The following GCNT4 variants were observed in gnomAD, a reference collection of about 807,000 sequenced individuals.
The protein encoded by GCNT4 is beta-1,3-galactosyl-O-glycosyl-glycoprotein beta-1,6-N-acetylglucosaminyltransferase 4.
In GCNT4, 17 loss-of-function variants were observed where a neutral mutation model predicts 31.3. The ratio of observed to expected loss-of-function variants is 0.54; its 90% CI spans 0.37 to 0.81. The LOEUF is 0.81. Ranked by LOEUF, GCNT4 falls within the 40% of genes least tolerant of loss-of-function variation. The probability of loss-of-function intolerance (pLI) is 0.00; values close to 1 mark genes in which losing one functional copy is unlikely to be tolerated. For synonymous variants in GCNT4, 158 were observed against 190.6 expected, an observed-to-expected ratio of 0.83 and a Z score of 1.41; for missense variants, 503 against 525.5, an observed-to-expected ratio of 0.96 and a Z score of 0.42.
intron 3 of GCNT4, among the ~76,000 whole-genome samples, chr5:75,042,582 G>C (rs1743345752): frequency 6.6e-6 from 1 of 152,148 alleles, no homozygotes; most frequent in African/African-American, 2.4e-5. Flanking sequence ...ATGAATCAAG[G>C]GTATTGATGT....
At chr5:75,052,080 G>C (rs545282205) in intron 2 of GCNT4, 89 bp downstream of exon 2, 8 of 152,006 alleles carry the variant, frequency 5.3e-5, no homozygotes, top group African/African-American at 1.9e-4. Flanking sequence ...TGAACTGTTA[G>C]TTTCTAGAAT....
upstream of GCNT4, among the ~76,000 whole-genome samples, chr5:75,053,390 G>C (rs1156557834): frequency 6.6e-6 from 1 of 152,104 alleles, no homozygotes; most frequent in Non-Finnish European, 1.5e-5. Flanking sequence ...AGTTTTCCCC[G>C]GCGGGAAAAC....
Position 75,028,592 on chromosome 5 carries a change from A to C in GCNT4, c.*84T>G. On this transcript the variant is annotated 3_prime_UTR_variant, in exon 4 of 4. Coordinates refer to ENST00000652361, the MANE Select transcript of GCNT4 (RefSeq NM_001366737.1). ...TTAAAATATGGGAGGACTGAGTTTA[A>C]ACAGTATTGGGCATAGTATGGTATT... 7.8e-7 allele frequency: 1 copy of C among 1,285,558 alleles called. No homozygotes were observed. The highest frequency in any genetic ancestry group is 1.1e-6 in the Non-Finnish European group (1 of 929,534). The allele number at this position is 1,285,558 out of a possible 1,614,324, so 79.6% of individuals were successfully genotyped here.
In GCNT4 at chr5:75,026,189, CAATA is replaced by C. The variant is rs1411578345; in HGVS notation, c.*2483_*2486del. 7 of 152,212 alleles carry C rather than the reference CAATA, an allele frequency of 4.6e-5. No homozygotes were observed. The highest frequency in any genetic ancestry group is 1.4e-4 in the African/African-American group (6 of 41,522). 9.4% of individuals were successfully genotyped at this position (152,212 alleles called of 1,614,324 possible). A position where few individuals can be genotyped will look rare whatever the true frequency, so the allele number is the denominator to read the frequency against. On this transcript the variant is annotated 3_prime_UTR_variant, in exon 4 of 4. Coordinates refer to ENST00000652361, the MANE Select transcript of GCNT4 (RefSeq NM_001366737.1). ...GTGATGAACAACTTTGGAAATTTCCCAATAAACAGGGGATAGAATCATTTCTCAC... is the reference window on the plus strand; with the variant it reads ...GTGATGAACAACTTTGGAAATTTCCCAACAGGGGATAGAATCATTTCTCAC...
chr5:75,039,129 C>T lies in GCNT4; in HGVS notation c.-2+8768G>A, dbSNP rs977935877. ...AGACAGGGTCTCACTCTGTCACCCACGCTGGAGTGCAATGGCACAATCTCG... is the reference window on the plus strand; with the variant it reads ...AGACAGGGTCTCACTCTGTCACCCATGCTGGAGTGCAATGGCACAATCTCG... On this transcript the variant is annotated intron_variant, in intron 3 of 3. Transcript: ENST00000652361. Among the ~76,000 whole-genome samples the T allele has an allele frequency of 5.3e-5, 8 of 152,122 alleles. No homozygotes were observed. In the East Asian group the frequency reaches 5.8e-4, roughly 11 times the overall value.
rs191378430 is a variant in GCNT4, at chr5:75,030,069, G to A, written c.-1-31C>T. 1,082 of 1,547,124 alleles carry A rather than the reference G, an allele frequency of 7.0e-4. 1 individual carries two copies. The highest frequency in any genetic ancestry group is 8.7e-4 in the Non-Finnish European group (998 of 1,149,646). ...AGAGGAGAAAGAAATAATCCAGTTG[G>A]AATATTAACAGAAAATCAGGTCAGT... is the stretch of plus-strand genomic sequence containing the variant. On this transcript the variant is annotated intron_variant, in intron 3 of 3. Coordinates refer to ENST00000652361, the MANE Select transcript of GCNT4 (RefSeq NM_001366737.1).
chr5:75,044,502 A>C (rs7714420), intron 3 of GCNT4, among the ~76,000 whole-genome samples: 61,983 of 151,112 alleles, frequency 0.41, 15,779 homozygotes, highest in African/African-American at 0.73. Context: ...CACTGACTCA[A>C]ACGGTTACTG....
Position 75,028,768 on chromosome 5 carries a change from A to C in GCNT4, c.1270T>G (p.Leu424Val). ...TGCTGTTCTTCAAGCTTTTCTGCCA[A>C]GCATTTAATCAAGATAGGGTCCACC... ...SKVDPILIKC[L>V]AEKLEEQQRD... The change falls in exon 4 of 4, where the codon TTG becomes GTG. Residue 424 changes from leucine (L) to valine (V), a missense_variant. By Grantham distance (32) the Leu-to-Val change is conservative. Transcript: ENST00000652361. 4 of 1,614,070 alleles carry C rather than the reference A, an allele frequency of 2.5e-6. No individual in the cohort carries two copies. Among genetic ancestry groups the C allele is most frequent in the Non-Finnish European group, 2.5e-6 (3 of 1,179,998 alleles).
intron 3 of GCNT4, chr5:75,030,705 T>C (rs76385772): frequency 0.079 from 13,284 of 167,146 alleles, 619 homozygotes; most frequent in Middle Eastern, 0.092. Context: ...AAAAAGGGCC[T>C]GATTTTTCAC....
chr5:75,044,330 A>T (rs1343242428), intron 3 of GCNT4, among the ~76,000 whole-genome samples: 1 of 150,630 alleles, frequency 6.6e-6, no homozygotes, highest in Non-Finnish European at 1.5e-5. Flanking sequence ...TCTGCCCCAC[A>T]CTGGACCCCC....
chr5:75,033,694 G>A (rs941052651), intron 3 of GCNT4, among the ~76,000 whole-genome samples: 2 of 148,714 alleles, frequency 1.3e-5, no homozygotes, highest in African/African-American at 5.0e-5. Context: ...TTTACTTTAA[G>A]TTCTGGGATA....
chr5:75,035,128 C>T (rs546437586), intron 3 of GCNT4, among the ~76,000 whole-genome samples: 3 of 142,486 alleles, frequency 2.1e-5, no homozygotes, highest in Admixed American at 6.9e-5. Flanking sequence ...TAAGCGGACA[C>T]GACTGCATTC....
chr5:75,044,647 A>C (rs1561377946), intron 3 of GCNT4, among the ~76,000 whole-genome samples: 1 of 152,024 alleles, frequency 6.6e-6, no homozygotes, highest in Non-Finnish European at 1.5e-5. Context: ...TCTGTAAACA[A>C]GGACTGGGCT....
At chr5:75,045,976 GGATGTTCAATTCAATGAAT>G (rs984935974) in intron 3 of GCNT4, among the ~76,000 whole-genome samples, 6 of 152,136 alleles carry the variant, frequency 3.9e-5, no homozygotes, top group Admixed American at 3.3e-4. Flanking sequence ...GATGTTGAAT[GGATGTTCAATTCAATGAAT>G]GATGTTCAAT....
In GCNT4 at chr5:75,030,314, T is replaced by C; in HGVS notation, c.-1-276A>G. The stretch of plus-strand genomic sequence containing the variant: ...AATGTAAACTCCTAAAATATAAATA[T>C]AGTGTGTCTTATATTGTCTGCATTT... On this transcript the variant is annotated intron_variant, in intron 3 of 3. Coordinates refer to ENST00000652361, the MANE Select transcript of GCNT4 (RefSeq NM_001366737.1). 3 of 369,996 alleles carry C rather than the reference T, an allele frequency of 8.1e-6. 1 individual carries two copies. Among genetic ancestry groups the C allele is most frequent in the East Asian group, 1.2e-4 (2 of 16,588 alleles). 22.9% of individuals were successfully genotyped at this position (369,996 alleles called of 1,614,324 possible). A position where few individuals can be genotyped will look rare whatever the true frequency, so the allele number is the denominator to read the frequency against.
the GCNT4 span, among the ~76,000 whole-genome samples, chr5:75,020,037 G>GA: frequency 1.3e-5 from 2 of 152,122 alleles, no homozygotes; most frequent in East Asian, 3.9e-4. Context: ...GTTATGTCAG[G>GA]AAAAAAGAGT....
intron 3 of GCNT4, among the ~76,000 whole-genome samples, chr5:75,034,789 A>C (rs993413449): frequency 2.6e-5 from 4 of 152,238 alleles, no homozygotes; most frequent in Non-Finnish European, 5.9e-5. Context: ...ACTCCTCACT[A>C]AAGTCCCAAT....
intron 2 of GCNT4, among the ~76,000 whole-genome samples, chr5:75,050,644 T>A (rs1428011146): frequency 6.6e-6 from 1 of 152,128 alleles, no homozygotes; most frequent in African/African-American, 2.4e-5. Flanking sequence ...ACCAAACTTG[T>A]CTTTCCTCCT....
At chr5:75,033,676 T>TA (rs201861661) in intron 3 of GCNT4, among the ~76,000 whole-genome samples, 6,601 of 124,372 alleles carry the variant, frequency 0.053, 416 homozygotes, top group African/African-American at 0.17. Flanking sequence ...TTTATTTATT[T>TA]TTTTTTTTTT....
Sources: allele counts gnomAD v4.1 joint callset (sites outside exome capture counted in the v4.1 genomes callset), GRCh38; gene constraint gnomAD v4.1.1; transcripts MANE v1.5; gene names NCBI Gene and HGNC (gene_info 2026-07-23, HGNC 2026-07-21).